Variants in CACNB4 observed in about 807,000 individuals in gnomAD.
CACNB4 encodes the protein voltage-dependent L-type calcium channel subunit beta-4.
A neutral mutation model predicts 71.2 loss-of-function variants in CACNB4; 32 were observed. That is an observed-to-expected ratio of 0.45 (90% CI 0.34 to 0.60). The LOEUF is 0.60. CACNB4 is among the 20% of genes least tolerant of loss of function. CACNB4 has a pLI of 0.01. For missense variants in CACNB4, 464 were observed against 647.9 expected (o/e 0.72, Z 3.08); for synonymous variants, 231 against 236.9 (o/e 0.97, Z 0.23).
chr2:151,876,049 C>T (rs1331681790), intron 5 of CACNB4, among the ~76,000 whole-genome samples: 1 of 151,798 alleles, frequency 6.6e-6, no homozygotes, highest in African/African-American at 2.4e-5. Flanking sequence ...AGGGGCGATA[C>T]CATCACATTT....
At chr2:152,064,470 T>C (rs1389631183) in intron 2 of CACNB4, among the ~76,000 whole-genome samples, 1 of 152,218 alleles carries the variant, frequency 6.6e-6, no homozygotes, top group Non-Finnish European at 1.5e-5. Context: ...AACCTCTGCC[T>C]CCCAGGTTCA....
At chr2:151,990,523 C>T (rs929535731) in intron 2 of CACNB4, among the ~76,000 whole-genome samples, 1 of 152,194 alleles carries the variant, frequency 6.6e-6, no homozygotes, top group Non-Finnish European at 1.5e-5. Flanking sequence ...ATGTGAGCTC[C>T]AGGAGGAACA....
intron 2 of CACNB4, among the ~76,000 whole-genome samples, chr2:151,916,608 G>C (rs929919283): frequency 2.0e-5 from 3 of 152,172 alleles, no homozygotes; most frequent in Non-Finnish European, 4.4e-5. Context: ...TATTTATATT[G>C]ATATAAGGAC....
At chr2:151,879,970 T>C (rs1272172044) in intron 4 of CACNB4, 1 of 152,206 alleles carries the variant, frequency 6.6e-6, no homozygotes, top group East Asian at 1.9e-4. Context: ...GAATATGGCT[T>C]GGGCATTTTT....
At chr2:152,041,943 C>A (rs1471679456) in intron 2 of CACNB4, among the ~76,000 whole-genome samples, 1 of 152,280 alleles carries the variant, frequency 6.6e-6, no homozygotes, top group East Asian at 1.9e-4. Flanking sequence ...TCATTCCCAG[C>A]ACTTGGAATA....
intron 2 of CACNB4, chr2:151,973,588 A>G: frequency 7.6e-7 from 1 of 1,309,092 alleles, no homozygotes; most frequent in Non-Finnish European, 1.1e-6. Flanking sequence ...TGCCTAAGAA[A>G]TAAGAAGCGG....
intron 2 of CACNB4, among the ~76,000 whole-genome samples, chr2:151,994,734 T>A (rs192261260): frequency 2.6e-5 from 4 of 152,352 alleles, no homozygotes; most frequent in African/African-American, 9.6e-5. Context: ...ATCTAGGAGA[T>A]ACATCATTTA....
At chr2:151,891,341 A>G (rs2099850671) in intron 2 of CACNB4, among the ~76,000 whole-genome samples, 1 of 152,196 alleles carries the variant, frequency 6.6e-6, no homozygotes, top group African/African-American at 2.4e-5. Context: ...GGAAATCTGT[A>G]CCAGCCATGG....
intron 2 of CACNB4, among the ~76,000 whole-genome samples, chr2:152,065,175 G>C (rs1456651792): frequency 1.3e-5 from 2 of 152,260 alleles, no homozygotes; most frequent in Middle Eastern, 3.4e-3. Context: ...TTGAGGTCAG[G>C]AGTTCGATAC....
intron 9 of CACNB4, chr2:151,868,587 A>G (rs1182669568): frequency 3.3e-5 from 5 of 152,180 alleles, no homozygotes; most frequent in African/African-American, 1.2e-4. Context: ...TCATAGTAAA[A>G]TACATTAAAA....
At chr2:151,855,074 C>T (rs1223504893) in intron 11 of CACNB4, 150 bp downstream of exon 11, 1 of 465,776 alleles carries the variant, frequency 2.1e-6, no homozygotes, top group Non-Finnish European at 3.8e-6. Flanking sequence ...TCTGAAAATT[C>T]ATAGAATCTG....
rs73967707 is a variant in CACNB4, at chr2:151,877,473, T to C, written c.391-917A>G. On this transcript the variant is annotated intron_variant, in intron 4 of 13. Coordinates refer to ENST00000539935, the MANE Select transcript of CACNB4 (RefSeq NM_000726.5). ...ACCAATTCTTAAAGAACATATTTTATAAGGATAAATATGCACCAATGTAAC... is the reference window on the plus strand; with the variant it reads ...ACCAATTCTTAAAGAACATATTTTACAAGGATAAATATGCACCAATGTAAC... Among the ~76,000 whole-genome samples the C allele has an allele frequency of 9.2e-4, 140 of 152,310 alleles. 1 individual carries two copies. The highest frequency in any genetic ancestry group is 3.3e-3 in the African/African-American group (139 of 41,570).
rs997704142 is a variant in CACNB4 at position 152,010,785 on chromosome 2, T to C, written c.147+87545A>G. 1.4e-4 allele frequency among the ~76,000 whole-genome samples: 22 copies of C among 152,136 alleles called. 1 individual carries two copies. Among genetic ancestry groups the C allele is most frequent in the African/African-American group, 5.1e-4 (21 of 41,436 alleles). On this transcript the variant is annotated intron_variant, in intron 2 of 13. Coordinates refer to ENST00000539935, the MANE Select transcript of CACNB4 (RefSeq NM_000726.5). The stretch of plus-strand genomic sequence containing the variant: ...AGGGTCAATGATGGCCCGGCGGCGT[T>C]TGGCACTGGGGTCCTGCATCTGTTC...
rs1002625812 is a variant in CACNB4, at chr2:152,045,348, G to A, written c.147+52982C>T. On this transcript the variant is annotated intron_variant, in intron 2 of 13. Coordinates refer to ENST00000539935, the MANE Select transcript of CACNB4 (RefSeq NM_000726.5). ...ACAGAATATTATCTAGCCTTAAAAA[G>A]GAAGGAAATCCTGTCTCATGCTATG... is the stretch of plus-strand genomic sequence containing the variant. Among the ~76,000 whole-genome samples the A allele has an allele frequency of 7.2e-5, 11 of 152,268 alleles. No homozygotes were observed. The East Asian group carries it at 2.1e-3, about 29-fold the overall frequency.
chr2:151,862,196 T>C (rs1278902625), intron 9 of CACNB4, among the ~76,000 whole-genome samples: 1 of 152,194 alleles, frequency 6.6e-6, no homozygotes, highest in Non-Finnish European at 1.5e-5. Flanking sequence ...GAATTATCAA[T>C]TACTGAAACA....
chr2:152,064,640 C>T (rs962616331), intron 2 of CACNB4, among the ~76,000 whole-genome samples: 2 of 152,202 alleles, frequency 1.3e-5, no homozygotes, highest in African/African-American at 2.4e-5. Flanking sequence ...ACCTTGGCCT[C>T]CCAAAGTGCT....
intron 3 of CACNB4, among the ~76,000 whole-genome samples, chr2:151,881,879 CTTTTT>C (rs34072100): frequency 3.0e-5 from 4 of 133,026 alleles, no homozygotes; most frequent in East Asian, 4.8e-4. Flanking sequence ...CTCCTCCCAT[CTTTTT>C]TTTTTTTTTT....
At chr2:151,910,291 G>T (rs1005974176) in intron 2 of CACNB4, among the ~76,000 whole-genome samples, 1 of 152,138 alleles carries the variant, frequency 6.6e-6, no homozygotes, top group Admixed American at 6.5e-5. Context: ...CACATGGGTA[G>T]ATTGCAACAA....
intron 2 of CACNB4, among the ~76,000 whole-genome samples, chr2:151,944,182 C>G (rs946023102): frequency 1.3e-5 from 2 of 152,094 alleles, no homozygotes; most frequent in African/African-American, 4.8e-5. Flanking sequence ...AACAAGCACA[C>G]GCCACCACAC....
Sources: gnomAD v4.1 joint callset for allele counts (sites outside exome capture counted in the v4.1 genomes callset) on GRCh38, gnomAD v4.1.1 for gene constraint, MANE v1.5 for transcripts, NCBI Gene and HGNC (gene_info 2026-07-23, HGNC 2026-07-21) for gene names.